MAP4: variants seen among roughly 807,000 people sequenced by gnomAD.
The protein encoded by MAP4 is microtubule-associated protein 4.
MAP4 carries 76 observed loss-of-function variants against 170.2 expected under a neutral mutation model. The ratio of observed to expected loss-of-function variants is 0.45; its 90% CI spans 0.37 to 0.54. The LOEUF is 0.54. Ranked by LOEUF, MAP4 falls within the 20% of genes least tolerant of loss-of-function variation. MAP4 has a pLI of 0.00. For missense variants in MAP4, 2,506 were observed against 2,748.0 expected, an observed-to-expected ratio of 0.91 and a Z score of 1.97; for synonymous variants, 909 against 994.5, an observed-to-expected ratio of 0.91 and a Z score of 1.62.
chr3:48,084,165 G>C (rs1399986176), intron 1 of MAP4, among the ~76,000 whole-genome samples: 1 of 149,492 alleles, frequency 6.7e-6, no homozygotes, highest in Non-Finnish European at 1.5e-5. Context: ...AGCTGAGATC[G>C]CGCCACTGTA....
intron 1 of MAP4, among the ~76,000 whole-genome samples, chr3:48,032,351 A>G (rs1463946971): frequency 6.6e-6 from 1 of 152,036 alleles, no homozygotes; most frequent in Non-Finnish European, 1.5e-5. Context: ...ATAATAAAAA[A>G]ATTAGATGGG....
chr3:47,978,566 T>C (rs2100083548), intron 2 of MAP4, among the ~76,000 whole-genome samples: 1 of 152,150 alleles, frequency 6.6e-6, no homozygotes, highest in Non-Finnish European at 1.5e-5. Context: ...ATTCACCGCC[T>C]TGGCCTCCCA....
chr3:48,029,211 GCA>G (rs2100114669), intron 1 of MAP4, among the ~76,000 whole-genome samples: 1 of 152,026 alleles, frequency 6.6e-6, no homozygotes, highest in Non-Finnish European at 1.5e-5. Flanking sequence ...GCCAAAGCGG[GCA>G]GATCACTTGA....
intron 1 of MAP4, among the ~76,000 whole-genome samples, chr3:48,062,100 T>C (rs2100135894): frequency 6.6e-6 from 1 of 152,154 alleles, no homozygotes; most frequent in Non-Finnish European, 1.5e-5. Flanking sequence ...AGATTGTTGC[T>C]GTGTCTGTGT....
chr3:47,939,898 CA>C (rs2100055248), intron 3 of MAP4, among the ~76,000 whole-genome samples: 1 of 151,840 alleles, frequency 6.6e-6, no homozygotes, highest in African/African-American at 2.4e-5. Context: ...GGCTGGAGTG[CA>C]GTGGCATGAT....
chr3:48,086,544 C>A (rs961985774), intron 1 of MAP4, among the ~76,000 whole-genome samples: 1 of 152,138 alleles, frequency 6.6e-6, no homozygotes, highest in Non-Finnish European at 1.5e-5. Flanking sequence ...GAGGCTGTGG[C>A]AGGAGAACTG....
At chr3:47,885,789 C>A (rs369722936) in intron 10 of MAP4, among the ~76,000 whole-genome samples, 2 of 149,436 alleles carry the variant, frequency 1.3e-5, no homozygotes, top group African/African-American at 4.9e-5. Context: ...AGTGCAGTGG[C>A]GCCATCTCGG....
intron 17 of MAP4, among the ~76,000 whole-genome samples, chr3:47,865,551 G>T (rs537205365): frequency 6.6e-6 from 1 of 152,256 alleles, no homozygotes; most frequent in East Asian, 1.9e-4. Context: ...GCTCATGGCC[G>T]CATTCCTCAT....
At chr3:47,969,749 CAT>C (rs2100077418) in intron 3 of MAP4, among the ~76,000 whole-genome samples, 1 of 151,950 alleles carries the variant, frequency 6.6e-6, no homozygotes, top group Non-Finnish European at 1.5e-5. Context: ...TGGCACCACA[CAT>C]GTGCAAATCC....
At chr3:48,038,947 C>G (rs1052608027) in intron 1 of MAP4, among the ~76,000 whole-genome samples, 19 of 151,880 alleles carry the variant, frequency 1.3e-4, no homozygotes, top group Non-Finnish European at 2.5e-4. Flanking sequence ...ACAAAAAATA[C>G]AAAAATTAGC....
At chr3:47,956,521 C>A (rs2100067920) in intron 3 of MAP4, among the ~76,000 whole-genome samples, 1 of 152,082 alleles carries the variant, frequency 6.6e-6, no homozygotes, top group South Asian at 2.1e-4. Context: ...TAAGACATGG[C>A]CAGAAGCAGA....
At chr3:48,050,470 A>C (rs564049965) in intron 1 of MAP4, among the ~76,000 whole-genome samples, 2 of 152,050 alleles carry the variant, frequency 1.3e-5, no homozygotes, top group Admixed American at 1.3e-4. Context: ...AAAAAAATTC[A>C]GCCTCTTTCA....
chr3:47,953,409 C>A (rs2100065750), intron 3 of MAP4, among the ~76,000 whole-genome samples: 1 of 152,084 alleles, frequency 6.6e-6, no homozygotes, highest in Non-Finnish European at 1.5e-5. Context: ...GTAATCCCAG[C>A]TACTCAGGAG....
intron 1 of MAP4, among the ~76,000 whole-genome samples, chr3:48,067,095 C>T (rs531277958): frequency 2.6e-5 from 4 of 152,014 alleles, no homozygotes; most frequent in Non-Finnish European, 5.9e-5. Context: ...CCACCTTAGC[C>T]TCCCAAAGTG....
chr3:47,921,431 T>C (rs558240568), intron 5 of MAP4, among the ~76,000 whole-genome samples: 13 of 152,286 alleles, frequency 8.5e-5, no homozygotes, highest in African/African-American at 2.9e-4. Flanking sequence ...CAGCAACCTT[T>C]ACTAACTAGC....
rs553613270 is a variant in MAP4 at position 47,852,378 on chromosome 3, GA to G, written c.*555del. ...AAGGGCCCGACACCACCTGCATGGG[GA>G]GGGGGGGGCGCCCATTTGTGGGACC... On this transcript the variant is annotated 3_prime_UTR_variant, in exon 21 of 21. Transcript: ENST00000683076. The G allele has an allele frequency of 2.8e-3, 512 of 185,750 alleles. 3 individuals are homozygous for G. Among genetic ancestry groups the G allele is most frequent in the African/African-American group, 0.011 (454 of 42,624 alleles). The allele number at this position is 185,750 out of a possible 1,614,324, so 11.5% of individuals were successfully genotyped here.
intron 10 of MAP4, among the ~76,000 whole-genome samples, chr3:47,898,506 A>T (rs1372058384): frequency 3.3e-5 from 5 of 152,086 alleles, no homozygotes; most frequent in Non-Finnish European, 7.4e-5. Context: ...GCCTCAAAAA[A>T]AAAAAAAAAA....
At chr3:48,027,979 T>A (rs1184179858) in intron 1 of MAP4, among the ~76,000 whole-genome samples, 1 of 152,138 alleles carries the variant, frequency 6.6e-6, no homozygotes, top group Non-Finnish European at 1.5e-5. Flanking sequence ...AAGACCAACT[T>A]CACTCACTTT....
intron 3 of MAP4, among the ~76,000 whole-genome samples, chr3:47,954,571 C>CT (rs1443998057): frequency 6.6e-6 from 1 of 152,210 alleles, no homozygotes; most frequent in Non-Finnish European, 1.5e-5. Context: ...GAGGAAAAAC[C>CT]TGTAGTGTTC....
Sources: gnomAD v4.1 joint callset for allele counts (sites outside exome capture counted in the v4.1 genomes callset) on GRCh38, gnomAD v4.1.1 for gene constraint, MANE v1.5 for transcripts, NCBI Gene and HGNC (gene_info 2026-07-23, HGNC 2026-07-21) for gene names.